Variants in ERBB2 observed in about 807,000 individuals in gnomAD.
ERBB2 encodes receptor tyrosine-protein kinase erbB-2.
ERBB2 carries 61 observed loss-of-function variants against 149.0 expected under a neutral mutation model. The observed-to-expected ratio is 0.41, with a 90% CI of 0.33 to 0.51. ERBB2 has a LOEUF of 0.51. ERBB2 is among the 20% of genes least tolerant of loss of function. The pLI, the probability that ERBB2 is intolerant of heterozygous loss-of-function variation, is 0.25. For synonymous variants in ERBB2, 633 were observed against 678.8 expected (o/e 0.93, Z 1.05); for missense variants, 1,205 against 1,655.1 (o/e 0.73, Z 4.72).
intron 4 of ERBB2, 64 bp downstream of exon 4, chr17:39,709,516 A>G: frequency 2.5e-6 from 4 of 1,591,300 alleles, no homozygotes; most frequent in Non-Finnish European, 3.4e-6. Flanking sequence ...GCAAACTCCC[A>G]ACTTACAACC....
rs1017000706 is a variant in ERBB2, at chr17:39,726,593, A to G, written c.2904A>G (p.Arg968=). 6.2e-7 allele frequency: 1 copy of G among 1,614,140 alleles called. No homozygotes were observed. Among genetic ancestry groups the G allele is most frequent in the Non-Finnish European group, 8.5e-7 (1 of 1,180,002 alleles). ...CWMIDSECRP[R]FRELVSEFSR... is the part of the protein sequence containing the mutation. ...TGATTGACTCTGAATGTCGGCCAAG[A>G]TTCCGGGAGTTGGTGTCTGAATTCT... Residue 968 remains arginine (R), a synonymous_variant, in exon 24 of 27, where the codon AGA becomes AGG. Transcript: ENST00000269571. This position sits in a 1 kb window ranked among gnomAD's most constrained non-coding sequence, Gnocchi z 5.1.
In ERBB2 at chr17:39,723,343, G is replaced by A. The variant is rs2145802960; in HGVS notation, c.1971G>A (p.Ala657=). The change falls in exon 17 of 27, where the codon GCG becomes GCA. Residue 657 remains alanine, a synonymous_variant. Transcript: ENST00000269571. The surrounding 1 kb of genome is among the most constrained non-coding windows in gnomAD (Gnocchi z 6.2). Reference sequence around the variant, plus strand: ...GCCCTCTGACGTCCATCATCTCTGCGGTGGTTGGCATTCTGCTGGTCGTGG... The same window carrying A: ...GCCCTCTGACGTCCATCATCTCTGCAGTGGTTGGCATTCTGCTGGTCGTGG... ...RASPLTSIIS[A]VVGILLVVVL... is the part of the protein sequence containing the mutation. The A allele has an allele frequency of 6.2e-7, 1 of 1,613,990 alleles. No individual in the cohort carries two copies. Among genetic ancestry groups the A allele is most frequent in the African/African-American group, 1.3e-5 (1 of 74,982 alleles).
chr17:39,716,210 C>A (rs2145668794), intron 12 of ERBB2, 91 bp from the exon 13 acceptor site: 4 of 1,412,190 alleles, frequency 2.8e-6, no homozygotes, highest in South Asian at 2.7e-5. Flanking sequence ...ACCCCTCCAG[C>A]CCACAGCCAT....
chr17:39,695,617 ACTC>A (rs1470409085), upstream of ERBB2, among the ~76,000 whole-genome samples: 1 of 147,672 alleles, frequency 6.8e-6, no homozygotes, highest in Non-Finnish European at 1.5e-5. Flanking sequence ...GGACCAGACG[ACTC>A]CTCCCGATTT....
chr17:39,705,138 C>T (rs2058348098), intron 1 of ERBB2, among the ~76,000 whole-genome samples: 1 of 152,192 alleles, frequency 6.6e-6, no homozygotes, highest in African/African-American at 2.4e-5. Flanking sequence ...TGCAGATCCA[C>T]CGAGAGTGCC....
chr17:39,705,412 T>C (rs2058367306), intron 1 of ERBB2, among the ~76,000 whole-genome samples: 1 of 152,072 alleles, frequency 6.6e-6, no homozygotes, highest in Non-Finnish European at 1.5e-5. Flanking sequence ...ATTTTGGGCC[T>C]GGCCTGCCAC....
intron 19 of ERBB2, among the ~76,000 whole-genome samples, chr17:39,724,293 CAG>C (rs2059623946): frequency 4.3e-5 from 1 of 23,352 alleles, no homozygotes; most frequent in Non-Finnish European, 1.2e-4. Flanking sequence ...TTTTTTGAGA[CAG>C]AGTCTCGCTC....
rs2059197923 is a variant in ERBB2 at position 39,717,416 on chromosome 17, C to T, written c.1834C>T (p.Pro612Ser). ...TGTGAAACCTGACCTCTCCTACATG[C>T]CCATCTGGAAGTTTCCAGATGAGGA... ...SGVKPDLSYM[P>S]IWKFPDEEGA... Residue 612 changes from proline to serine, a missense_variant, in exon 15 of 27, where the codon CCC (proline) becomes TCC (serine). Coordinates refer to ENST00000269571, the MANE Select transcript of ERBB2 (RefSeq NM_004448.4). 1 of 1,613,250 alleles carries T rather than the reference C, an allele frequency of 6.2e-7. No homozygotes were observed.
chr17:39,726,023 C>T lies in ERBB2; in HGVS notation c.2872+170C>T, dbSNP rs1000425427. 10 of 644,110 alleles carry T rather than the reference C, an allele frequency of 1.6e-5. No homozygotes were observed. The highest frequency in any genetic ancestry group is 2.6e-5 in the Non-Finnish European group (10 of 381,718). The allele number at this position is 644,110 out of a possible 1,614,324, so 39.9% of individuals were successfully genotyped here. A position where few individuals can be genotyped will look rare whatever the true frequency, so the allele number is the denominator to read the frequency against. On this transcript the variant is annotated intron_variant, in intron 23 of 26. Coordinates refer to ENST00000269571, the MANE Select transcript of ERBB2 (RefSeq NM_004448.4). The surrounding 1 kb of genome is among the most constrained non-coding windows in gnomAD (Gnocchi z 5.1). ...CTTTTACAGTCAAAGTCCAAAGCCA[C>T]TCTTGAGGAACACTCTTGTACAAAA...
Position 39,723,417 on chromosome 17 carries a change from T to C in ERBB2, c.2045T>C (p.Ile682Thr). Residue 682 changes from isoleucine (I) to threonine (T), a missense_variant, in exon 17 of 27, where the codon ATC becomes ACC. Transcript: ENST00000269571. This position sits in a 1 kb window ranked among gnomAD's most constrained non-coding sequence, Gnocchi z 6.2. The stretch of plus-strand genomic sequence containing the variant: ...CTCATCAAGCGACGGCAGCAGAAGA[T>C]CCGGAAGTACACGATGCGGAGACTG... ...GILIKRRQQK[I>T]RKYTMRRLLQ... 6.2e-7 allele frequency: 1 copy of C among 1,614,102 alleles called. No homozygotes were observed. Among genetic ancestry groups the C allele is most frequent in the South Asian group, 1.1e-5 (1 of 91,072 alleles).
At chr17:39,711,745 G>A (rs2058809659) in intron 7 of ERBB2, among the ~76,000 whole-genome samples, 183 bp from the exon 8 acceptor site, 1 of 152,140 alleles carries the variant, frequency 6.6e-6, no homozygotes, top group African/African-American at 2.4e-5. Context: ...TGCAAAATGG[G>A]AATCTCACAG....
upstream of ERBB2, among the ~76,000 whole-genome samples, chr17:39,691,458 T>C (rs2057693192): frequency 6.6e-6 from 1 of 151,176 alleles, no homozygotes; most frequent in Non-Finnish European, 1.5e-5. Flanking sequence ...GCAGGAGAAT[T>C]GCTTGAACCA....
rs1472927386 is a variant in ERBB2, at chr17:39,726,787, C to A, written c.2971-28C>A. On this transcript the variant is annotated intron_variant, in intron 24 of 26. Transcript: ENST00000269571. This position sits in a 1 kb window ranked among gnomAD's most constrained non-coding sequence, Gnocchi z 5.1. The stretch of plus-strand genomic sequence containing the variant: ...GCTGCATGCTGGGCTGGGGAGGGGC[C>A]ACCATCCTGCCTCTCCTTCCTCCAC... The A allele has an allele frequency of 6.2e-7, 1 of 1,604,312 alleles. No homozygotes were observed. Among genetic ancestry groups the A allele is most frequent in the Admixed American group, 1.7e-5 (1 of 59,800 alleles).
At position 39,725,463 on chromosome 17, in the gene ERBB2, A is replaced by G. The variant is rs1313005012; in HGVS notation, c.2725+61A>G. The G allele has an allele frequency of 1.2e-5, 18 of 1,537,400 alleles. No individual in the cohort carries two copies. The Admixed American group carries it at 3.0e-4, about 26-fold the overall frequency. On this transcript the variant is annotated intron_variant, in intron 22 of 26. Coordinates refer to ENST00000269571, the MANE Select transcript of ERBB2 (RefSeq NM_004448.4). The surrounding 1 kb of genome is among the most constrained non-coding windows in gnomAD (Gnocchi z 4.6). ...GAGCCATGGCTGGAGGGAGGATGAG[A>G]GCTGGGATGGGGAGAATTACGGGGC...
In ERBB2 at chr17:39,728,110, C is replaced by A; in HGVS notation, c.*66C>A. On this transcript the variant is annotated 3_prime_UTR_variant, in exon 27 of 27. Transcript: ENST00000269571. ...GGGAGCAGGGAAGGCCTGACTTCTG[C>A]TGGCATCAAGAGGTGGGAGGGCCCT... 1 of 1,229,962 alleles carries A rather than the reference C, an allele frequency of 8.1e-7. No individual in the cohort carries two copies. Among genetic ancestry groups the A allele is most frequent in the Non-Finnish European group, 1.1e-6 (1 of 891,070 alleles). The allele number at this position is 1,229,962 out of a possible 1,614,324, so 76.2% of individuals were successfully genotyped here.
chr17:39,716,862 C>T (rs1361035785), intron 14 of ERBB2: 5 of 531,030 alleles, frequency 9.4e-6, no homozygotes, highest in Non-Finnish European at 1.7e-5. Context: ...GGTGGTGAGC[C>T]CTGTGGGCTC....
At position 39,725,158 on chromosome 17, in the gene ERBB2, G is replaced by A. The variant is rs2059679446; in HGVS notation, c.2603G>A (p.Arg868Gln). The A allele has an allele frequency of 6.2e-7, 1 of 1,614,124 alleles. No homozygotes were observed. The change falls in exon 21 of 27, where the codon CGG (arginine) becomes CAG (glutamine). Residue 868 changes from arginine to glutamine, a missense_variant. This residue lies in a region of ERBB2 where 152 missense variants were observed against 318.1 expected (regional missense o/e 0.48). Transcript: ENST00000269571. This position sits in a 1 kb window ranked among gnomAD's most constrained non-coding sequence, Gnocchi z 4.6. ...AAAATTACAGACTTCGGGCTGGCTC[G>A]GCTGCTGGACATTGACGAGACAGAG... ...HVKITDFGLA[R>Q]LLDIDETEYH...
At chr17:39,709,522 C>A (rs920312507) in intron 4 of ERBB2, 70 bp downstream of exon 4, 2 of 1,564,148 alleles carry the variant, frequency 1.3e-6, no homozygotes, top group Non-Finnish European at 1.7e-6. Flanking sequence ...TCCCAACTTA[C>A]AACCCAGTGC....
chr17:39,691,904 T>TAGATATATATAC (rs1386573320), upstream of ERBB2, among the ~76,000 whole-genome samples: 628 of 114,276 alleles, frequency 5.5e-3, 5 homozygotes, highest in African/African-American at 0.019. Context: ...GATATAGATA[T>TAGATATATATAC]ATATACATAT....
Sources: gnomAD v4.1 joint callset for allele counts (sites outside exome capture counted in the v4.1 genomes callset) on GRCh38, gnomAD v4.1.1 for gene constraint, gnomAD v4.1.1 regional missense constraint, Gnocchi (gnomAD v3.1) non-coding constraint, MANE v1.5 for transcripts, NCBI Gene and HGNC (gene_info 2026-07-23, HGNC 2026-07-21) for gene names.